HSD17B11: variants seen among roughly 807,000 people sequenced by gnomAD.
HSD17B11 encodes the protein hydroxysteroid 17-beta dehydrogenase 11.
In HSD17B11, 22 loss-of-function variants were observed where a neutral mutation model predicts 27.8. That is an observed-to-expected ratio of 0.79 (90% CI 0.56 to 1.13). The LOEUF is 1.13. HSD17B11 is among the 50% of genes most tolerant of loss of function. The probability of loss-of-function intolerance (pLI) is 0.00; values close to 1 mark genes in which losing one functional copy is unlikely to be tolerated. For synonymous variants in HSD17B11, 117 were observed against 132.8 expected, an observed-to-expected ratio of 0.88 and a Z score of 0.82; for missense variants, 314 against 351.1, an observed-to-expected ratio of 0.89 and a Z score of 0.84.
chr4:87,344,491 T>C (rs1560758471), intron 5 of HSD17B11, among the ~76,000 whole-genome samples: 1 of 152,172 alleles, frequency 6.6e-6, no homozygotes, highest in Non-Finnish European at 1.5e-5. Flanking sequence ...CAAAATATTA[T>C]ACATGAAGCA....
chr4:87,365,865 G>C (rs1735605495), intron 4 of HSD17B11: 1 of 151,618 alleles, frequency 6.6e-6, no homozygotes. Context: ...AGTTGTGGAA[G>C]GTTTTTTTTA....
chr4:87,381,487 G>A (rs538453820), intron 2 of HSD17B11, among the ~76,000 whole-genome samples: 5 of 152,070 alleles, frequency 3.3e-5, no homozygotes, highest in African/African-American at 4.8e-5. Flanking sequence ...TGCTGGGAGC[G>A]TGGCTCATGC....
intron 6 of HSD17B11, among the ~76,000 whole-genome samples, chr4:87,339,748 T>C (rs927152725): frequency 6.6e-6 from 1 of 152,238 alleles, no homozygotes; most frequent in Non-Finnish European, 1.5e-5. Context: ...TAGAAAGTTA[T>C]TGTATCTCTC....
chr4:87,340,673 A>T, intron 5 of HSD17B11, 67 bp from the exon 6 acceptor site: 1 of 1,048,352 alleles, frequency 9.5e-7, no homozygotes, highest in Non-Finnish European at 1.5e-6. Flanking sequence ...TTTGGTGCTA[A>T]CCAACAGCTT....
chr4:87,388,031 C>T (rs1578049663), intron 1 of HSD17B11, among the ~76,000 whole-genome samples: 2 of 152,230 alleles, frequency 1.3e-5, no homozygotes. Flanking sequence ...TTCATTGACT[C>T]CCCAGAGTAA....
chr4:87,353,130 A>C lies in HSD17B11; in HGVS notation c.695+4149T>G, dbSNP rs1481935644. On this transcript the variant is annotated intron_variant, in intron 5 of 6. Transcript: ENST00000358290. ...AGACCGGAGCTGTTCCTATTCGGCC[A>C]TCTTGGCTCCTCCCTCTAGTATTCT... Among the ~76,000 whole-genome samples, 4 of 106,294 alleles carry C rather than the reference A, an allele frequency of 3.8e-5. 1 individual carries two copies. Among genetic ancestry groups the C allele is most frequent in the Non-Finnish European group, 7.6e-5 (4 of 52,446 alleles). The allele number at this position is 106,294 out of a possible 152,430, so 69.7% of individuals were successfully genotyped here.
chr4:87,362,789 T>A (rs886428740), intron 4 of HSD17B11, among the ~76,000 whole-genome samples: 11 of 152,172 alleles, frequency 7.2e-5, no homozygotes, highest in African/African-American at 2.7e-4. Flanking sequence ...CTGAAAAAGA[T>A]CCCTGCTCAA....
At position 87,372,707 on chromosome 4, in the gene HSD17B11, ACCAGTAAG is replaced by A; in HGVS notation, c.551_557+1del. 6.4e-7 allele frequency: 1 copy of A among 1,573,664 alleles called. No individual in the cohort carries two copies. Among genetic ancestry groups the A allele is most frequent in the Non-Finnish European group, 8.7e-7 (1 of 1,143,354 alleles). On this transcript the variant is annotated splice_donor_variant and coding_sequence_variant, in exon 4 of 7. Coordinates refer to ENST00000358290, the MANE Select transcript of HSD17B11 (RefSeq NM_016245.5). LOFTEE classifies it high-confidence loss of function. The stretch of plus-strand genomic sequence containing the variant: ...CAATGAAGGAAACACATGTTCACAT[ACCAGTAAG>A]CCAGTAAGAAGGGGACCGAGACATG...
At chr4:87,362,538 T>G (rs1445810978) in intron 4 of HSD17B11, among the ~76,000 whole-genome samples, 1 of 151,986 alleles carries the variant, frequency 6.6e-6, no homozygotes, top group Non-Finnish European at 1.5e-5. Context: ...AAATAAAATA[T>G]AATAAAATAA....
At chr4:87,368,897 GATC>G (rs995932292) in intron 4 of HSD17B11, among the ~76,000 whole-genome samples, 1 of 152,206 alleles carries the variant, frequency 6.6e-6, no homozygotes, top group African/African-American at 2.4e-5. Context: ...TTGTTTAGCA[GATC>G]ATCAAGAAAT....
In HSD17B11 at chr4:87,336,589, A is replaced by G. The variant is rs1735063164; in HGVS notation, c.*687T>C. The G allele has an allele frequency of 6.6e-6, 1 of 152,270 alleles. No homozygotes were observed. The highest frequency in any genetic ancestry group is 6.5e-5 in the Admixed American group (1 of 15,284). The allele number at this position is 152,270 out of a possible 1,614,324, so 9.4% of individuals were successfully genotyped here. A position where few individuals can be genotyped will look rare whatever the true frequency, so the allele number is the denominator to read the frequency against. On this transcript the variant is annotated 3_prime_UTR_variant, in exon 7 of 7. Transcript: ENST00000358290. ...AGGTTGTCATGTTCTGTTTAAGACA[A>G]AAAGATGGAAACACCAAAAGTTTAA...
At chr4:87,337,426 C>T in intron 6 of HSD17B11, 60 bp from the exon 7 acceptor site, 1 of 932,804 alleles carries the variant, frequency 1.1e-6, no homozygotes, top group Non-Finnish European at 1.7e-6. Flanking sequence ...TTGTAGAATA[C>T]CCTCTTTAGA....
rs528073148 is a variant in HSD17B11, at chr4:87,363,698, CA to C, written c.558-6283del. On this transcript the variant is annotated intron_variant, in intron 4 of 6. Transcript: ENST00000358290. ...AAATAGTTAAAAGCCTTTGCAAGCT[CA>C]AAATTAACTAATCTAGACTACTTCT... 1.5e-4 allele frequency among the ~76,000 whole-genome samples: 23 copies of C among 152,296 alleles called. No individual in the cohort carries two copies. The East Asian group carries it at 4.4e-3, about 29-fold the overall frequency.
intron 6 of HSD17B11, among the ~76,000 whole-genome samples, chr4:87,337,608 C>A (rs1735077203): frequency 6.6e-6 from 1 of 151,916 alleles, no homozygotes; most frequent in African/African-American, 2.4e-5. Context: ...GTTTTTGAAA[C>A]AAAAGATCTG....
At chr4:87,386,491 C>T (rs1266776504) in intron 1 of HSD17B11, among the ~76,000 whole-genome samples, 1 of 152,206 alleles carries the variant, frequency 6.6e-6, no homozygotes, top group African/African-American at 2.4e-5. Flanking sequence ...GGGTGAGCCA[C>T]TGCACCCGGC....
intron 4 of HSD17B11, among the ~76,000 whole-genome samples, chr4:87,363,337 GACTT>G (rs1309808118): frequency 3.3e-5 from 5 of 152,200 alleles, no homozygotes; most frequent in African/African-American, 4.8e-5. Context: ...CCTCTGTAAA[GACTT>G]AATTAATGCG....
Position 87,387,022 on chromosome 4 carries a change from CCTT to C in HSD17B11, c.210+3836_210+3838del, listed in dbSNP as rs1257956107. The C allele has an allele frequency of 1.3e-5, 2 of 152,272 alleles. 1 individual carries two copies. The highest frequency in any genetic ancestry group is 3.9e-4 in the East Asian group (2 of 5,192). 9.4% of individuals were successfully genotyped at this position (152,272 alleles called of 1,614,324 possible). ...CACCCCTCCTTAGACAACTTGGTCT[CCTT>C]CATGCCCACCGCCAGAAGGTACCAT... On this transcript the variant is annotated intron_variant, in intron 1 of 6. Transcript: ENST00000358290.
chr4:87,369,663 G>A (rs1021847442), intron 4 of HSD17B11, among the ~76,000 whole-genome samples: 1 of 152,092 alleles, frequency 6.6e-6, no homozygotes, highest in Non-Finnish European at 1.5e-5. Flanking sequence ...TTGAACTCCT[G>A]AGCTCAAGTG....
rs760806729 is a variant in HSD17B11 at position 87,337,379 on chromosome 4, T to A, written c.813-13A>T. ...CTCAGGAAGGATCCTAAAAGAAAGATATATGCAAATAATTAGAAAATTAAT... is the reference window on the plus strand; with the variant it reads ...CTCAGGAAGGATCCTAAAAGAAAGAAATATGCAAATAATTAGAAAATTAAT... On this transcript the variant is annotated splice_polypyrimidine_tract_variant and intron_variant, in intron 6 of 6. Coordinates refer to ENST00000358290, the MANE Select transcript of HSD17B11 (RefSeq NM_016245.5). 7.2e-7 allele frequency: 1 copy of A among 1,383,668 alleles called. No homozygotes were observed. The allele number at this position is 1,383,668 out of a possible 1,614,324, so 85.7% of individuals were successfully genotyped here. A position where few individuals can be genotyped will look rare whatever the true frequency, so the allele number is the denominator to read the frequency against.
Sources: gnomAD v4.1 joint callset for allele counts (sites outside exome capture counted in the v4.1 genomes callset) on GRCh38, gnomAD v4.1.1 for gene constraint, MANE v1.5 for transcripts, NCBI Gene and HGNC (gene_info 2026-07-23, HGNC 2026-07-21) for gene names.